Variants in ITPR1 observed in about 807,000 individuals in gnomAD.
ITPR1 encodes the protein inositol 1,4,5-trisphosphate-gated calcium channel ITPR1.
In ITPR1, 96 loss-of-function variants were observed where a neutral mutation model predicts 318.4. The ratio of observed to expected loss-of-function variants is 0.30; its 90% CI spans 0.26 to 0.36. The LOEUF (loss-of-function observed/expected upper bound fraction) is 0.36. Ranked by LOEUF, ITPR1 falls within the 10% of genes least tolerant of loss-of-function variation. The pLI is 1.00. For missense variants in ITPR1, 2,440 were observed against 3,460.2 expected (o/e 0.71, Z 7.40); for synonymous variants, 1,312 against 1,289.9 (o/e 1.02, Z -0.37).
intron 23 of ITPR1, among the ~76,000 whole-genome samples, chr3:4,676,296 C>G (rs552436809): frequency 3.3e-5 from 5 of 151,946 alleles, no homozygotes; most frequent in Non-Finnish European, 7.4e-5. Context: ...AGGGAACCAT[C>G]ATTGTGTCAC....
At chr3:4,657,014 G>A (rs1024806532) in intron 12 of ITPR1, among the ~76,000 whole-genome samples, 4 of 152,180 alleles carry the variant, frequency 2.6e-5, no homozygotes, top group Admixed American at 2.0e-4. Context: ...AGTTTCTCAG[G>A]AAAGTTTTCA....
At chr3:4,670,994 T>C (rs2094065850) in intron 20 of ITPR1, 68 bp downstream of exon 20, 2 of 1,156,634 alleles carry the variant, frequency 1.7e-6, no homozygotes, top group African/African-American at 3.1e-5. Flanking sequence ...AATTTGTTGC[T>C]CGTTTGTTGA....
intron 4 of ITPR1, among the ~76,000 whole-genome samples, chr3:4,572,112 C>T (rs1031567665): frequency 4.6e-5 from 7 of 152,130 alleles, no homozygotes; most frequent in Admixed American, 2.0e-4. Context: ...GCTTATTGAG[C>T]GGGTCCAGTC....
chr3:4,707,918 C>T (rs2094793628), intron 37 of ITPR1, among the ~76,000 whole-genome samples: 1 of 152,068 alleles, frequency 6.6e-6, no homozygotes. Flanking sequence ...TCAGCAAAAC[C>T]AGAAATGATG....
chr3:4,562,297 AT>A (rs984702658), intron 4 of ITPR1, among the ~76,000 whole-genome samples: 3 of 152,214 alleles, frequency 2.0e-5, no homozygotes, highest in Non-Finnish European at 4.4e-5. Flanking sequence ...AAGAAAAATT[AT>A]TAGACAGTAA....
At chr3:4,686,017 G>A (rs1432974515) in intron 30 of ITPR1, among the ~76,000 whole-genome samples, 2 of 152,218 alleles carry the variant, frequency 1.3e-5, no homozygotes, top group African/African-American at 4.8e-5. Context: ...CTAGGTGCTT[G>A]CAGGGTGCCA....
intron 2 of ITPR1, among the ~76,000 whole-genome samples, chr3:4,513,338 A>C (rs2081968909): frequency 6.6e-6 from 1 of 152,108 alleles, no homozygotes; most frequent in Non-Finnish European, 1.5e-5. Context: ...CACTTCACTA[A>C]GGCGAGGCCG....
chr3:4,800,215 C>G (rs982175932), intron 53 of ITPR1: 11 of 535,362 alleles, frequency 2.1e-5, no homozygotes, highest in Non-Finnish European at 2.9e-5. Flanking sequence ...AAGGGAAGAA[C>G]TTCCCAGCAG....
At chr3:4,674,882 C>A (rs2094153240) in intron 22 of ITPR1, among the ~76,000 whole-genome samples, 186 bp from the exon 23 acceptor site, 1 of 151,316 alleles carries the variant, frequency 6.6e-6, no homozygotes, top group Non-Finnish European at 1.5e-5. Flanking sequence ...AGTAGCTTTC[C>A]ATTTCTTATT....
chr3:4,519,916 G>T (rs556300135), intron 3 of ITPR1, among the ~76,000 whole-genome samples: 1 of 152,094 alleles, frequency 6.6e-6, no homozygotes, highest in Non-Finnish European at 1.5e-5. Flanking sequence ...AGTGTCTGGC[G>T]CAGGAGAAGC....
chr3:4,759,672 C>A (rs1353436832), intron 44 of ITPR1, among the ~76,000 whole-genome samples: 3 of 152,152 alleles, frequency 2.0e-5, no homozygotes, highest in Non-Finnish European at 4.4e-5. Flanking sequence ...GCTGTTTTGC[C>A]TTTTGTCTTT....
At chr3:4,520,059 C>T (rs926813341) in intron 3 of ITPR1, among the ~76,000 whole-genome samples, 1 of 152,088 alleles carries the variant, frequency 6.6e-6, no homozygotes, top group Non-Finnish European at 1.5e-5. Context: ...TTAATGGTAC[C>T]TTGCATTTGG....
chr3:4,676,539 C>T, intron 23 of ITPR1, 75 bp from the exon 24 acceptor site: 1 of 1,067,158 alleles, frequency 9.4e-7, no homozygotes, highest in Non-Finnish European at 1.4e-6. Context: ...TCTCAAAGAG[C>T]CCCTGCCCCT....
intron 2 of ITPR1, among the ~76,000 whole-genome samples, chr3:4,495,891 C>A (rs1300771156): frequency 6.6e-6 from 1 of 152,136 alleles, no homozygotes; most frequent in African/African-American, 2.4e-5. Flanking sequence ...CTTACTGCTA[C>A]TGATGAAATA....
intron 4 of ITPR1, among the ~76,000 whole-genome samples, chr3:4,523,562 C>T (rs1188808494): frequency 1.3e-5 from 2 of 152,016 alleles, no homozygotes; most frequent in Admixed American, 1.3e-4. Context: ...AATCTGTATC[C>T]CTTGGCCAAC....
intron 4 of ITPR1, among the ~76,000 whole-genome samples, chr3:4,541,924 G>A (rs112565961): frequency 1.8e-4 from 27 of 152,182 alleles, no homozygotes; most frequent in African/African-American, 5.8e-4. Flanking sequence ...GCGCCCAGCC[G>A]CTTTAGGCTA....
chr3:4,588,826 G>A (rs531693452), intron 4 of ITPR1, among the ~76,000 whole-genome samples: 12 of 152,196 alleles, frequency 7.9e-5, no homozygotes, highest in Admixed American at 2.0e-4. Context: ...TATAGTGACT[G>A]TTTTGGCTTG....
chr3:4,723,839 T>C (rs1040138771), intron 40 of ITPR1, among the ~76,000 whole-genome samples: 1 of 152,096 alleles, frequency 6.6e-6, no homozygotes, highest in African/African-American at 2.4e-5. Context: ...TAGTAGAATA[T>C]AATACTTCTG....
At chr3:4,734,488 T>G (rs2043139370) in intron 43 of ITPR1, among the ~76,000 whole-genome samples, 1 of 152,240 alleles carries the variant, frequency 6.6e-6, no homozygotes. Context: ...CTTTTGAAGC[T>G]GATCAGCCCA....
Sources: allele counts gnomAD v4.1 joint callset (sites outside exome capture counted in the v4.1 genomes callset), GRCh38; gene constraint gnomAD v4.1.1; transcripts MANE v1.5; gene names NCBI Gene and HGNC (gene_info 2026-07-23, HGNC 2026-07-21).